Variants in PCDHGA2 observed in about 807,000 individuals in gnomAD.
PCDHGA2 encodes protocadherin gamma subfamily A, 2, also known as protocadherin gamma-A2.
PCDHGA2 carries 40 observed loss-of-function variants against 59.2 expected under a neutral mutation model. The observed-to-expected ratio is 0.68, with a 90% CI of 0.52 to 0.88. The LOEUF (loss-of-function observed/expected upper bound fraction) is 0.88. Ranked by LOEUF, PCDHGA2 falls within the 40% of genes least tolerant of loss-of-function variation. PCDHGA2 has a pLI of 0.00. For synonymous variants in PCDHGA2, 560 were observed against 526.0 expected (o/e 1.06, Z -0.89); for missense variants, 1,226 against 1,204.0 (o/e 1.02, Z -0.27).
intron 1 of PCDHGA2, among the ~76,000 whole-genome samples, chr5:141,452,082 T>A (rs924362905): frequency 3.3e-5 from 5 of 152,240 alleles, no homozygotes; most frequent in Non-Finnish European, 7.3e-5. Context: ...GTTGGCATTA[T>A]ACAGTAAGAA....
rs200367564 is a variant in PCDHGA2, at chr5:141,346,015, C to T, written c.2424+4620C>T. 1.3e-3 allele frequency: 2,059 copies of T among 1,612,574 alleles called. 1 individual carries two copies. The highest frequency in any genetic ancestry group is 1.7e-3 in the Non-Finnish European group (1,972 of 1,179,782). On this transcript the variant is annotated intron_variant, in intron 1 of 3. Coordinates refer to ENST00000394576, the MANE Select transcript of PCDHGA2 (RefSeq NM_018915.4). ...CCTCTCTCCGCCACTGTCACGCTCACCGTGGCCGTGGCCGACAGGATCCCC... is the reference window on the plus strand; with the variant it reads ...CCTCTCTCCGCCACTGTCACGCTCATCGTGGCCGTGGCCGACAGGATCCCC...
In PCDHGA2 at chr5:141,383,143, G is replaced by T. The variant is rs371358932; in HGVS notation, c.2424+41748G>T. 1.9e-5 allele frequency: 30 copies of T among 1,614,090 alleles called. No homozygotes were observed. The African/African-American group carries it at 3.1e-4, about 16-fold the overall frequency. ...GCTTTTCGCCCTGAACCAGCGCAGC[G>T]GCAGCTTGGTCACTGCGGGCAGGAT... On this transcript the variant is annotated intron_variant, in intron 1 of 3. Coordinates refer to ENST00000394576, the MANE Select transcript of PCDHGA2 (RefSeq NM_018915.4).
intron 1 of PCDHGA2, chr5:141,374,459 A>C: frequency 1.9e-6 from 3 of 1,613,448 alleles, no homozygotes; most frequent in Non-Finnish European, 1.7e-6. Flanking sequence ...AATAGTGGAC[A>C]TTAATGACAA....
intron 1 of PCDHGA2, chr5:141,422,227 A>G: frequency 6.4e-7 from 1 of 1,566,716 alleles, no homozygotes; most frequent in Non-Finnish European, 8.6e-7. Context: ...CACCACGACG[A>G]TGTTGATCAC....
intron 1 of PCDHGA2, chr5:141,352,514 A>T (rs752533199): frequency 3.7e-6 from 6 of 1,613,842 alleles, no homozygotes; most frequent in Non-Finnish European, 5.1e-6. Flanking sequence ...CAATCTATGT[A>T]TTGCCTCTCA....
chr5:141,350,699 G>A (rs1758541780), intron 1 of PCDHGA2: 1 of 1,613,844 alleles, frequency 6.2e-7, no homozygotes, highest in East Asian at 2.2e-5. Context: ...CTTACCCGGG[G>A]TAAAATTCTC....
chr5:141,450,183 A>G (rs1461369835), intron 1 of PCDHGA2, among the ~76,000 whole-genome samples: 1 of 151,558 alleles, frequency 6.6e-6, no homozygotes, highest in Non-Finnish European at 1.5e-5. Context: ...ACACCCAGCT[A>G]ATTTTTGTAT....
chr5:141,388,652 C>A (rs1388425962), intron 1 of PCDHGA2: 1 of 1,613,844 alleles, frequency 6.2e-7, no homozygotes, highest in Non-Finnish European at 8.5e-7. Flanking sequence ...AAAACGTGTA[C>A]CCGGGGACCA....
Position 141,389,586 on chromosome 5 carries a change from G to A in PCDHGA2, c.2424+48191G>A, listed in dbSNP as rs369593580. 471 of 1,613,048 alleles carry A rather than the reference G, an allele frequency of 2.9e-4. No homozygotes were observed. Among genetic ancestry groups the A allele is most frequent in the Non-Finnish European group, 3.8e-4 (446 of 1,179,788 alleles). ...GGTGCTGTACCCCGCGCTGGGTCCC[G>A]ACGGCTCTGCGCTCTTCGATATGGT... On this transcript the variant is annotated intron_variant, in intron 1 of 3. Coordinates refer to ENST00000394576, the MANE Select transcript of PCDHGA2 (RefSeq NM_018915.4).
At chr5:141,467,361 G>T (rs555435172) in intron 1 of PCDHGA2, among the ~76,000 whole-genome samples, 2 of 151,742 alleles carry the variant, frequency 1.3e-5, no homozygotes, top group Non-Finnish European at 2.9e-5. Flanking sequence ...CCAAATCAAC[G>T]TTTTCTTATA....
At chr5:141,456,968 AAAAC>A (rs202005606) in intron 1 of PCDHGA2, among the ~76,000 whole-genome samples, 2,421 of 152,270 alleles carry the variant, frequency 0.016, 37 homozygotes, top group Non-Finnish European at 0.025. Context: ...ATCTCAAAAC[AAAAC>A]AAACAAACAA....
At chr5:141,473,167 C>T (rs1360150717) in intron 1 of PCDHGA2, among the ~76,000 whole-genome samples, 2 of 152,122 alleles carry the variant, frequency 1.3e-5, no homozygotes. Flanking sequence ...TAGGAAGGCC[C>T]ACTGGTAACT....
At chr5:141,399,916 A>G in intron 1 of PCDHGA2, 3 of 1,612,378 alleles carry the variant, frequency 1.9e-6, no homozygotes, top group Non-Finnish European at 1.7e-6. Context: ...CTCAGGACAC[A>G]ACGCCTGGCT....
intron 1 of PCDHGA2, chr5:141,361,829 C>T (rs1404954356): frequency 4.3e-6 from 7 of 1,612,986 alleles, no homozygotes; most frequent in Non-Finnish European, 5.9e-6. Flanking sequence ...GTGCTGTACC[C>T]CGCGCTGGGG....
At chr5:141,454,665 CA>C (rs2098795764) in intron 1 of PCDHGA2, among the ~76,000 whole-genome samples, 3 of 152,058 alleles carry the variant, frequency 2.0e-5, no homozygotes, top group Non-Finnish European at 4.4e-5. Flanking sequence ...CTCGGCCTCC[CA>C]AAACACTGGG....
intron 1 of PCDHGA2, chr5:141,398,897 C>G (rs761364649): frequency 2.1e-5 from 34 of 1,613,932 alleles, no homozygotes; most frequent in Non-Finnish European, 2.8e-5. Context: ...AACGTGCCAC[C>G]AGGCACCACT....
chr5:141,370,817 A>C, intron 1 of PCDHGA2: 1 of 1,614,046 alleles, frequency 6.2e-7, no homozygotes, highest in Non-Finnish European at 8.5e-7. Context: ...CTGAGCTGGA[A>C]ATCAGCGAAC....
rs1482322150 is a variant in PCDHGA2, at chr5:141,485,119, C to T, written c.2425-9688C>T. On this transcript the variant is annotated intron_variant, in intron 1 of 3. Transcript: ENST00000394576. This position sits in a 1 kb window ranked among gnomAD's most constrained non-coding sequence, Gnocchi z 5.7. ...CTCCAGCTGCTGTGGCTGTTTGGGGCGGGTCGGCTTCATCCGCGTCTCAGG... is the reference window on the plus strand; with the variant it reads ...CTCCAGCTGCTGTGGCTGTTTGGGGTGGGTCGGCTTCATCCGCGTCTCAGG... 9.8e-6 allele frequency: 13 copies of T among 1,328,806 alleles called. No individual in the cohort carries two copies. The East Asian group carries it at 1.8e-4, about 19-fold the overall frequency. 82.3% of individuals were successfully genotyped at this position (1,328,806 alleles called of 1,614,324 possible). A position where few individuals can be genotyped will look rare whatever the true frequency, so the allele number is the denominator to read the frequency against.
chr5:141,419,748 G>T, intron 1 of PCDHGA2: 1 of 1,613,872 alleles, frequency 6.2e-7, no homozygotes, highest in Non-Finnish European at 8.5e-7. Flanking sequence ...CGCATGGTGC[G>T]TGCTTTGGGT....
Sources: gnomAD v4.1 joint callset for allele counts (sites outside exome capture counted in the v4.1 genomes callset) on GRCh38, gnomAD v4.1.1 for gene constraint, Gnocchi (gnomAD v3.1) non-coding constraint, MANE v1.5 for transcripts, NCBI Gene and HGNC (gene_info 2026-07-23, HGNC 2026-07-21) for gene names.